The following NLRX1 variants were observed in gnomAD, a reference collection of about 807,000 sequenced individuals.
NLRX1 encodes NLR family member X1, also known as NOD-like receptor X1.
A neutral mutation model predicts 74.2 loss-of-function variants in NLRX1; 67 were observed. The observed-to-expected ratio is 0.90, with a 90% CI of 0.74 to 1.11. The LOEUF is 1.11. Among genes scored for constraint, NLRX1 ranks in the 50% least tolerant of loss-of-function variants. The pLI is 0.00. For synonymous variants in NLRX1, 506 were observed against 559.1 expected, an observed-to-expected ratio of 0.91 and a Z score of 1.34; for missense variants, 1,191 against 1,305.4, an observed-to-expected ratio of 0.91 and a Z score of 1.35.
Position 119,182,106 on chromosome 11 carries a change from C to T in NLRX1, c.2367C>T (p.Asn789=), listed in dbSNP as rs1466371581. 2.5e-6 allele frequency: 4 copies of T among 1,614,012 alleles called. No homozygotes were observed. The highest frequency in any genetic ancestry group is 3.4e-6 in the Non-Finnish European group (4 of 1,180,006). ...CQITTLRLSN[N]PLTAAGVAVL... ...CACGTGGCTGTAGGCTGTCCAACAACCCGCTGACGGCGGCAGGTGTTGCCG... is the reference window on the plus strand; with the variant it reads ...CACGTGGCTGTAGGCTGTCCAACAATCCGCTGACGGCGGCAGGTGTTGCCG... The change falls in exon 9 of 10, where the codon AAC becomes AAT. Residue 789 remains asparagine, a synonymous_variant. Transcript: ENST00000409109.
At chr11:119,177,227 A>G (rs1592330236) in intron 6 of NLRX1, among the ~76,000 whole-genome samples, 1 of 151,236 alleles carries the variant, frequency 6.6e-6, no homozygotes, top group Non-Finnish European at 1.5e-5. Context: ...GACTACAGGC[A>G]CCTGCCACCA....
In NLRX1 at chr11:119,173,622, C is replaced by T. The variant is rs367913972; in HGVS notation, c.373C>T (p.Arg125Cys). 11 of 1,613,986 alleles carry T rather than the reference C, an allele frequency of 6.8e-6. No homozygotes were observed. Among genetic ancestry groups the T allele is most frequent in the African/African-American group, 4.0e-5 (3 of 74,932 alleles). ...CGAGAGTACCCCTGATGAGCTACTT[C>T]GCCCACCCGCGGAGCTGGCCCTGGA... ...IRESTPDELL[R>C]PPAELALEHQ... Residue 125 changes from arginine (R) to cysteine (C), a missense_variant, in exon 5 of 10, where the codon CGC (arginine) becomes TGC (cysteine). Physicochemically the swap from Arg to Cys is radical, Grantham distance 180. Coordinates refer to ENST00000409109, the MANE Select transcript of NLRX1 (RefSeq NM_001282144.2). The surrounding 1 kb of genome is among the most constrained non-coding windows in gnomAD (Gnocchi z 4.0).
Position 119,168,792 on chromosome 11 carries a change from C to T in NLRX1, c.-559C>T, listed in dbSNP as rs1948461565. 1 of 152,388 alleles carries T rather than the reference C, an allele frequency of 6.6e-6. No homozygotes were observed. The highest frequency in any genetic ancestry group is 2.4e-5 in the African/African-American group (1 of 41,452). 9.4% of individuals were successfully genotyped at this position (152,388 alleles called of 1,614,324 possible). On this transcript the variant is annotated 5_prime_UTR_variant, in exon 1 of 10. Transcript: ENST00000409109. ...GACGGGTGGCGCCGGGGTTCCAGCC[C>T]TGCGCCTGCTCCGGAGCACCGGGCC...
rs748493598 is a variant in NLRX1, at chr11:119,179,997, A to G, written c.1976A>G (p.Lys659Arg). 8.7e-6 allele frequency: 14 copies of G among 1,613,692 alleles called. No homozygotes were observed. Among genetic ancestry groups the G allele is most frequent in the African/African-American group, 1.3e-5 (1 of 74,946 alleles). Reference sequence around the variant, plus strand: ...GCCCTGGAGAATGCCCAGGCCATCAAGAAGAAGCTGGGCAAGCTGGGCCGG... The same window carrying G: ...GCCCTGGAGAATGCCCAGGCCATCAGGAAGAAGCTGGGCAAGCTGGGCCGG... Reference protein sequence around the residue: ...LDALENAQAIKKKLGKLGRQV... With the variant: ...LDALENAQAIRKKLGKLGRQV... The change falls in exon 7 of 10, where the codon AAG becomes AGG. Residue 659 changes from lysine to arginine, a missense_variant. Physicochemically the swap from Lys to Arg is conservative, Grantham distance 26 (BLOSUM62 2). Coordinates refer to ENST00000409109, the MANE Select transcript of NLRX1 (RefSeq NM_001282144.2).
At chr11:119,182,688 A>T (rs970548020) in intron 9 of NLRX1, among the ~76,000 whole-genome samples, 40 of 152,152 alleles carry the variant, frequency 2.6e-4, no homozygotes, top group African/African-American at 9.4e-4. Context: ...GGAGTTCAAG[A>T]CCAGTCTGGC....
Position 119,173,602 on chromosome 11 carries a change from G to A in NLRX1, c.353G>A (p.Ser118Asn). The change falls in exon 5 of 10, where the codon AGT becomes AAT. Residue 118 changes from serine to asparagine, a missense_variant. Ser to Asn is a conservative substitution (Grantham distance 46, BLOSUM62 1). Transcript: ENST00000409109. This position sits in a 1 kb window ranked among gnomAD's most constrained non-coding sequence, Gnocchi z 4.0. ...TVHVDPVIRE[S>N]TPDELLRPPA... is the part of the protein sequence containing the mutation. ...CACGTTGACCCTGTGATCCGCGAGA[G>A]TACCCCTGATGAGCTACTTCGCCCA... The A allele has an allele frequency of 1.2e-6, 2 of 1,614,176 alleles. No individual in the cohort carries two copies. Among genetic ancestry groups the A allele is most frequent in the Non-Finnish European group, 1.7e-6 (2 of 1,180,048 alleles).
chr11:119,181,508 GGGTGGAATAATACCTAGGCC>G (rs1370690441), intron 8 of NLRX1, among the ~76,000 whole-genome samples: 59 of 152,282 alleles, frequency 3.9e-4, no homozygotes, highest in African/African-American at 1.3e-3. Context: ...TGGGGAGAGA[GGGTGGAATAATACCTAGGCC>G]GGTTGCCTGG....
chr11:119,172,139 A>C (rs1181331089), intron 2 of NLRX1, among the ~76,000 whole-genome samples: 1 of 152,262 alleles, frequency 6.6e-6, no homozygotes, highest in African/African-American at 2.4e-5. Flanking sequence ...AAGGGGACAA[A>C]AAAATTTTAA....
chr11:119,173,504 C>A lies in NLRX1; in HGVS notation c.255C>A (p.Asn85Lys). 6.2e-7 allele frequency: 1 copy of A among 1,613,960 alleles called. No individual in the cohort carries two copies. The highest frequency in any genetic ancestry group is 1.6e-4 in the Middle Eastern group (1 of 6,062). Residue 85 changes from asparagine (N) to lysine (K), a missense_variant, in exon 5 of 10, where the codon AAC (asparagine) becomes AAA (lysine). By Grantham distance (94) the Asn-to-Lys change is moderately conservative. Coordinates refer to ENST00000409109, the MANE Select transcript of NLRX1 (RefSeq NM_001282144.2). The surrounding 1 kb of genome is among the most constrained non-coding windows in gnomAD (Gnocchi z 4.0). ...AAGCTATACAGCGGCACCGCCGGAA[C>A]CTGGCTGAGTGGTTCAGCCGGCTGC... The part of the protein sequence containing the change: ...ATEAIQRHRR[N>K]LAEWFSRLPR...
At position 119,172,304 on chromosome 11, in the gene NLRX1, T is replaced by C. The variant is rs375317314; in HGVS notation, c.71-52T>C. ...CTGGGGGGTTTGATGTAGACATGGGTTCTGTGTATTGCATGGGATCTGCAG... is the reference window on the plus strand; with the variant it reads ...CTGGGGGGTTTGATGTAGACATGGGCTCTGTGTATTGCATGGGATCTGCAG... On this transcript the variant is annotated intron_variant, in intron 2 of 9. Transcript: ENST00000409109. The C allele has an allele frequency of 6.3e-5, 88 of 1,386,004 alleles. No homozygotes were observed. The African/African-American group carries it at 1.1e-3, about 18-fold the overall frequency. The allele number at this position is 1,386,004 out of a possible 1,614,324, so 85.9% of individuals were successfully genotyped here. A position where few individuals can be genotyped will look rare whatever the true frequency, so the allele number is the denominator to read the frequency against.
At chr11:119,182,048 C>T (rs775819642) in intron 8 of NLRX1, 46 bp from the exon 9 acceptor site, 2 of 1,597,852 alleles carry the variant, frequency 1.3e-6, no homozygotes, top group South Asian at 2.2e-5. Context: ...TTGCCTCCCC[C>T]TCCTCTCAAT....
intron 1 of NLRX1, among the ~76,000 whole-genome samples, chr11:119,170,447 C>T (rs944206607): frequency 6.6e-6 from 1 of 152,058 alleles, no homozygotes; most frequent in Admixed American, 6.5e-5. Context: ...AGATTTGCAG[C>T]AAGGTAAATG....
chr11:119,179,563 G>C, intron 6 of NLRX1, 130 bp from the exon 7 acceptor site: 1 of 760,248 alleles, frequency 1.3e-6, no homozygotes, highest in Non-Finnish European at 2.1e-6. Flanking sequence ...AGCATGATCA[G>C]ACAAATTATG....
In NLRX1 at chr11:119,173,029, G is replaced by A; in HGVS notation, c.229+40G>A. The A allele has an allele frequency of 6.6e-7, 1 of 1,506,612 alleles. No homozygotes were observed. Among genetic ancestry groups the A allele is most frequent in the Non-Finnish European group, 9.2e-7 (1 of 1,083,890 alleles). 93.3% of individuals were successfully genotyped at this position (1,506,612 alleles called of 1,614,324 possible). A position where few individuals can be genotyped will look rare whatever the true frequency, so the allele number is the denominator to read the frequency against. On this transcript the variant is annotated intron_variant, in intron 4 of 9. Transcript: ENST00000409109. The surrounding 1 kb of genome is among the most constrained non-coding windows in gnomAD (Gnocchi z 4.0). ...TGGGACCCTGGTCAGGGGGTGTGGT[G>A]GGCAGACGGGGCTGGAAGGAGAAGC...
chr11:119,179,731 C>A lies in NLRX1; in HGVS notation c.1710C>A (p.Ser570Arg), dbSNP rs746329727. Residue 570 changes from serine to arginine, a missense_variant, in exon 7 of 10, where the codon AGC becomes AGA. Ser to Arg is a moderately radical substitution (Grantham distance 110). Transcript: ENST00000409109. ...PRVFGRMVGK[S>R]REAVAQAMVL... The stretch of plus-strand genomic sequence containing the variant: ...TGTTTGGGCGCATGGTGGGTAAAAG[C>A]CGGGAGGCGGTGGCTCAGGCCATGG... The A allele has an allele frequency of 1.2e-6, 2 of 1,610,462 alleles. No homozygotes were observed. The highest frequency in any genetic ancestry group is 1.7e-6 in the Non-Finnish European group (2 of 1,177,578).
chr11:119,180,039 C>T lies in NLRX1; in HGVS notation c.2018C>T (p.Ser673Leu), dbSNP rs1163825237. 6.2e-7 allele frequency: 1 copy of T among 1,613,660 alleles called. No individual in the cohort carries two copies. The highest frequency in any genetic ancestry group is 1.7e-5 in the Admixed American group (1 of 60,028). Residue 673 changes from serine (S) to leucine (L), a missense_variant, in exon 7 of 10, where the codon TCA becomes TTA. Ser to Leu is a moderately radical substitution (Grantham distance 145). Transcript: ENST00000409109. ...GKLGRQVLPP[S>L]ELLDHLFFHY... ...CTGGGCCGGCAGGTGCTGCCCCCAT[C>T]AGAGCTCCTTGACCACCTCTTCTTC...
intron 6 of NLRX1, among the ~76,000 whole-genome samples, chr11:119,176,122 C>T (rs889271281): frequency 9.8e-5 from 15 of 152,300 alleles, no homozygotes; most frequent in South Asian, 2.1e-4. Context: ...ATATGTCTGT[C>T]GAGCTGTGGG....
At chr11:119,170,553 CATTT>C (rs1381909291) in intron 1 of NLRX1, among the ~76,000 whole-genome samples, 11 of 152,132 alleles carry the variant, frequency 7.2e-5, no homozygotes, top group Non-Finnish European at 1.5e-4. Context: ...GAAGTTCATT[CATTT>C]ATTTATTATT....
intron 9 of NLRX1, 92 bp downstream of exon 9, chr11:119,182,437 G>T: frequency 1.3e-6 from 2 of 1,511,298 alleles, no homozygotes; most frequent in South Asian, 2.5e-5. Context: ...GTGCTTCTGG[G>T]CCTGGGCCTG....
Sources: allele counts gnomAD v4.1 joint callset (sites outside exome capture counted in the v4.1 genomes callset), GRCh38; gene constraint gnomAD v4.1.1; non-coding constraint Gnocchi (gnomAD v3.1); transcripts MANE v1.5; gene names NCBI Gene and HGNC (gene_info 2026-07-23, HGNC 2026-07-21).